The following LRP2 variants were observed in gnomAD, a reference collection of about 807,000 sequenced individuals.
LRP2 encodes LDL receptor related protein 2.
LRP2 carries 172 observed loss-of-function variants against 531.0 expected under a neutral mutation model. That is an observed-to-expected ratio of 0.32 (90% CI 0.29 to 0.37). The LOEUF (loss-of-function observed/expected upper bound fraction) is 0.37, where lower values mean the gene tolerates loss of function less well. Among genes scored for constraint, LRP2 ranks in the 10% least tolerant of loss-of-function variants. LRP2 has a pLI of 1.00. For synonymous variants in LRP2, 1,992 were observed against 2,027.6 expected (o/e 0.98, Z 0.47); for missense variants, 5,167 against 5,868.3 (o/e 0.88, Z 3.90).
At chr2:169,173,014 A>T (rs1234120781) in intron 57 of LRP2, 82 bp downstream of exon 57, 16 of 1,416,502 alleles carry the variant, frequency 1.1e-5, no homozygotes, top group Non-Finnish European at 1.4e-5. Context: ...TGGGAAATAC[A>T]CTCTCATCTC....
chr2:169,228,407 A>G (rs1170572766), intron 31 of LRP2, among the ~76,000 whole-genome samples: 1 of 151,940 alleles, frequency 6.6e-6, no homozygotes, highest in Non-Finnish European at 1.5e-5. Flanking sequence ...TCTGTTATTA[A>G]TGTTCACTGG....
Position 169,201,671 on chromosome 2 carries a change from T to C in LRP2, c.8409A>G (p.Val2803=), listed in dbSNP as rs201263376. 35 of 1,614,236 alleles carry C rather than the reference T, an allele frequency of 2.2e-5. No individual in the cohort carries two copies. The Admixed American group carries it at 5.5e-4, about 25-fold the overall frequency. ...AAGTGTTATTATCATGGCAGTTGTC[T>C]ACACCATTGCAGATAAACTCACGAG... is the stretch of plus-strand genomic sequence containing the variant. ...CIPREFICNG[V]DNCHDNNTSD... is the part of the protein sequence containing the mutation. Residue 2803 remains valine, a synonymous_variant, in exon 44 of 79, where the codon GTA becomes GTG. Coordinates refer to ENST00000649046, the MANE Select transcript of LRP2 (RefSeq NM_004525.3).
intron 19 of LRP2, among the ~76,000 whole-genome samples, chr2:169,254,745 C>G (rs1441243085): frequency 6.7e-6 from 1 of 149,912 alleles, no homozygotes; most frequent in East Asian, 2.0e-4. Context: ...TTTTTTCATA[C>G]TGATGAAACC....
chr2:169,198,312 G>A (rs1688073652), intron 45 of LRP2, among the ~76,000 whole-genome samples: 1 of 152,118 alleles, frequency 6.6e-6, no homozygotes, highest in Non-Finnish European at 1.5e-5. Flanking sequence ...TACTCAGGAG[G>A]CTGAGATGGG....
intron 4 of LRP2, among the ~76,000 whole-genome samples, chr2:169,296,250 A>G (rs916741982): frequency 6.6e-6 from 1 of 152,194 alleles, no homozygotes; most frequent in African/African-American, 2.4e-5. Flanking sequence ...CCAGAGTTAC[A>G]TATAGTCAAT....
At position 169,355,343 on chromosome 2, in the gene LRP2, G is replaced by A. The variant is rs75547864; in HGVS notation, c.79+6978C>T. Among the ~76,000 whole-genome samples, 1,012 of 152,260 alleles carry A rather than the reference G, an allele frequency of 6.6e-3. 7 individuals carry two copies. The highest frequency in any genetic ancestry group is 0.023 in the African/African-American group (959 of 41,530). Reference sequence around the variant, plus strand: ...TCAAGTGTGTCTTCACATACAAAATGAAAATAACATCGTCAGTCAATTTTA... The same window carrying A: ...TCAAGTGTGTCTTCACATACAAAATAAAAATAACATCGTCAGTCAATTTTA... On this transcript the variant is annotated intron_variant, in intron 1 of 78. Coordinates refer to ENST00000649046, the MANE Select transcript of LRP2 (RefSeq NM_004525.3).
At chr2:169,221,089 G>T (rs1688976347) in intron 33 of LRP2, among the ~76,000 whole-genome samples, 1 of 152,100 alleles carries the variant, frequency 6.6e-6, no homozygotes, top group East Asian at 1.9e-4. Flanking sequence ...TCTCTGCCCT[G>T]CCAGGTCCTG....
At chr2:169,190,184 A>G (rs1291417613) in intron 48 of LRP2, among the ~76,000 whole-genome samples, 1 of 152,260 alleles carries the variant, frequency 6.6e-6, no homozygotes, top group Non-Finnish European at 1.5e-5. Context: ...GAGAAAATAT[A>G]GACAAAGATT....
rs1558972564 is a variant in LRP2 at position 169,138,720 on chromosome 2, A to G, written c.13389-14T>C. On this transcript the variant is annotated splice_polypyrimidine_tract_variant and intron_variant, in intron 74 of 78. Coordinates refer to ENST00000649046, the MANE Select transcript of LRP2 (RefSeq NM_004525.3). ...AGACTGCTTAAGCTGGAAAGAAGTA[A>G]CCAAAACAGTGTCTTGTTATTTAAA... 1 of 1,613,796 alleles carries G rather than the reference A, an allele frequency of 6.2e-7. No individual in the cohort carries two copies. The highest frequency in any genetic ancestry group is 8.5e-7 in the Non-Finnish European group (1 of 1,179,716).
intron 74 of LRP2, 97 bp downstream of exon 74, chr2:169,139,154 G>A: frequency 1.3e-6 from 2 of 1,567,400 alleles, no homozygotes; most frequent in South Asian, 1.1e-5. Flanking sequence ...ACTGCGTATT[G>A]TGCTTTTTTA....
intron 3 of LRP2, among the ~76,000 whole-genome samples, chr2:169,308,557 C>CT (rs1684493615): frequency 6.6e-6 from 1 of 152,098 alleles, no homozygotes; most frequent in African/African-American, 2.4e-5. Flanking sequence ...GGAACTCATC[C>CT]TTTTTTACGG....
intron 16 of LRP2, among the ~76,000 whole-genome samples, chr2:169,261,276 T>A (rs1690536422): frequency 6.6e-6 from 1 of 152,030 alleles, no homozygotes; most frequent in Non-Finnish European, 1.5e-5. Context: ...GAAGGTATCA[T>A]TGAAGGAGGG....
chr2:169,144,423 G>A (rs1229247784), intron 70 of LRP2, among the ~76,000 whole-genome samples: 2 of 34,008 alleles, frequency 5.9e-5, no homozygotes, highest in Admixed American at 4.6e-4. Context: ...CAAAGGAGCC[G>A]CCTTCCCTGA....
chr2:169,141,871 C>G (rs1045799275), intron 71 of LRP2, among the ~76,000 whole-genome samples: 2 of 152,108 alleles, frequency 1.3e-5, no homozygotes, highest in African/African-American at 2.4e-5. Context: ...AGTTTTTTCT[C>G]CCTGGATTCA....
chr2:169,352,585 T>C (rs1006881439), intron 1 of LRP2, among the ~76,000 whole-genome samples: 1 of 152,160 alleles, frequency 6.6e-6, no homozygotes, highest in Non-Finnish European at 1.5e-5. Context: ...AAAATACAGA[T>C]TTTCCACATT....
chr2:169,359,986 A>G (rs925544150), intron 1 of LRP2, among the ~76,000 whole-genome samples: 2 of 152,050 alleles, frequency 1.3e-5, no homozygotes, highest in Admixed American at 1.3e-4. Context: ...TTAGCTGGGC[A>G]TGGTGCCCCG....
chr2:169,247,009 G>T, intron 20 of LRP2, 23 bp from the exon 21 acceptor site: 2 of 1,613,028 alleles, frequency 1.2e-6, no homozygotes, highest in East Asian at 2.2e-5. Context: ...AGCCCCGAGG[G>T]AGTCAGTCAT....
At chr2:169,225,159 T>C in intron 33 of LRP2, 151 bp downstream of exon 33, 1 of 564,844 alleles carries the variant, frequency 1.8e-6, no homozygotes, top group Non-Finnish European at 2.9e-6. Flanking sequence ...CTCTTTCACT[T>C]CAGAGACTTT....
intron 4 of LRP2, among the ~76,000 whole-genome samples, chr2:169,305,899 G>A (rs1479527271): frequency 6.6e-6 from 1 of 152,038 alleles, no homozygotes; most frequent in Non-Finnish European, 1.5e-5. Flanking sequence ...GGAACATGGT[G>A]TTCAGGTTTG....
Sources: gnomAD v4.1 joint callset for allele counts (sites outside exome capture counted in the v4.1 genomes callset) on GRCh38, gnomAD v4.1.1 for gene constraint, MANE v1.5 for transcripts, NCBI Gene and HGNC (gene_info 2026-07-23, HGNC 2026-07-21) for gene names.